SKAP1: variants seen among roughly 807,000 people sequenced by gnomAD.
SKAP1 encodes src kinase associated phosphoprotein 1, also known as src kinase-associated phosphoprotein 1.
In SKAP1, 44 loss-of-function variants were observed where a neutral mutation model predicts 58.5. The observed-to-expected ratio is 0.75, with a 90% confidence interval of 0.59 to 0.97. SKAP1 has a LOEUF of 0.97. Among genes scored for constraint, SKAP1 ranks in the 50% least tolerant of loss-of-function variants. The probability of loss-of-function intolerance (pLI) is 0.00; values close to 1 mark genes in which losing one functional copy is unlikely to be tolerated. For synonymous variants in SKAP1, 127 were observed against 149.7 expected, an observed-to-expected ratio of 0.85 and a Z score of 1.11; for missense variants, 390 against 435.2, an observed-to-expected ratio of 0.90 and a Z score of 0.92.
At chr17:48,256,010 G>A (rs1382990485) in intron 4 of SKAP1, among the ~76,000 whole-genome samples, 1 of 152,080 alleles carries the variant, frequency 6.6e-6, no homozygotes, top group Non-Finnish European at 1.5e-5. Context: ...AGCCGAAAGA[G>A]CAAAGGAAAA....
chr17:48,300,663 T>C (rs2066045678), intron 4 of SKAP1, among the ~76,000 whole-genome samples: 4 of 152,220 alleles, frequency 2.6e-5, no homozygotes. Flanking sequence ...ATGAATTCTC[T>C]ATTTAATGAT....
intron 2 of SKAP1, among the ~76,000 whole-genome samples, chr17:48,385,776 G>A (rs1256093324): frequency 6.6e-6 from 1 of 152,228 alleles, no homozygotes; most frequent in Non-Finnish European, 1.5e-5. Context: ...ATGCAGAAAA[G>A]AGGTGGAGGA....
At chr17:48,396,544 T>C (rs2067419989) in intron 2 of SKAP1, 136 bp downstream of exon 2, 5 of 529,998 alleles carry the variant, frequency 9.4e-6, no homozygotes, top group Non-Finnish European at 1.7e-5. Flanking sequence ...TCCAGTTCAA[T>C]TCAGTAAATA....
At chr17:48,220,708 C>T (rs2064991730) in intron 4 of SKAP1, among the ~76,000 whole-genome samples, 1 of 151,716 alleles carries the variant, frequency 6.6e-6, no homozygotes, top group Non-Finnish European at 1.5e-5. Flanking sequence ...AATACAAAAG[C>T]CGGGCGTGGT....
chr17:48,272,755 C>T (rs1429164147), intron 4 of SKAP1, among the ~76,000 whole-genome samples: 1 of 152,048 alleles, frequency 6.6e-6, no homozygotes, highest in East Asian at 1.9e-4. Context: ...CGGGGTTTCA[C>T]CATGTTGCCC....
chr17:48,258,082 C>T (rs1211125526), intron 4 of SKAP1, among the ~76,000 whole-genome samples: 2 of 151,572 alleles, frequency 1.3e-5, no homozygotes, highest in African/African-American at 4.8e-5. Flanking sequence ...CATCCTACAA[C>T]AAAAAAAAGT....
At chr17:48,386,540 C>T (rs148320376) in intron 2 of SKAP1, among the ~76,000 whole-genome samples, 8 of 152,152 alleles carry the variant, frequency 5.3e-5, no homozygotes, top group Admixed American at 5.2e-4. Context: ...GTCTGCATTG[C>T]TAACAAGTTT....
At chr17:48,191,649 C>A (rs1218813482) in intron 4 of SKAP1, among the ~76,000 whole-genome samples, 1 of 152,178 alleles carries the variant, frequency 6.6e-6, no homozygotes, top group Non-Finnish European at 1.5e-5. Context: ...TGCTTTAAAG[C>A]TGTTTCAAGC....
chr17:48,139,142 GT>G (rs1441582335), intron 11 of SKAP1, among the ~76,000 whole-genome samples: 2 of 151,964 alleles, frequency 1.3e-5, no homozygotes, highest in Admixed American at 1.3e-4. Flanking sequence ...GCCTCTCAGA[GT>G]GCTGGGATTA....
chr17:48,294,818 T>C (rs1177970004), intron 4 of SKAP1, among the ~76,000 whole-genome samples: 1 of 152,148 alleles, frequency 6.6e-6, no homozygotes, highest in African/African-American at 2.4e-5. Flanking sequence ...GTGGCCTAAA[T>C]CTGGACATGT....
intron 1 of SKAP1, among the ~76,000 whole-genome samples, chr17:48,420,944 GGTCAAAATCACCCCT>G (rs1412693441): frequency 2.0e-5 from 3 of 152,016 alleles, no homozygotes; most frequent in African/African-American, 7.3e-5. Context: ...AAGCCCCCAG[GGTCAAAATCACCCCT>G]GTTGGCAACC....
chr17:48,379,048 A>T (rs1322339469), intron 2 of SKAP1, among the ~76,000 whole-genome samples: 1 of 152,146 alleles, frequency 6.6e-6, no homozygotes, highest in Non-Finnish European at 1.5e-5. Flanking sequence ...TCAAGAGGGG[A>T]AAAAAGAAAG....
chr17:48,167,472 C>T (rs1350677713), intron 10 of SKAP1, among the ~76,000 whole-genome samples: 1 of 152,178 alleles, frequency 6.6e-6, no homozygotes, highest in Non-Finnish European at 1.5e-5. Flanking sequence ...GCAAACACCT[C>T]TGTGGTTTCC....
At chr17:48,353,342 T>C (rs2066828783) in intron 3 of SKAP1, among the ~76,000 whole-genome samples, 1 of 152,176 alleles carries the variant, frequency 6.6e-6, no homozygotes, top group Non-Finnish European at 1.5e-5. Context: ...CCATCATGCT[T>C]TAAGTCTCAG....
intron 8 of SKAP1, 49 bp from the exon 9 acceptor site, chr17:48,180,297 T>A: frequency 7.2e-7 from 1 of 1,390,066 alleles, no homozygotes; most frequent in Non-Finnish European, 9.6e-7. Context: ...AAAAAGAAAA[T>A]AAGACAGGAA....
intron 11 of SKAP1, among the ~76,000 whole-genome samples, chr17:48,139,692 C>T (rs1195956772): frequency 1.3e-5 from 2 of 152,134 alleles, no homozygotes; most frequent in African/African-American, 2.4e-5. Flanking sequence ...ATATAATTAT[C>T]ATAGAATTAT....
intron 2 of SKAP1, among the ~76,000 whole-genome samples, chr17:48,379,682 CT>C (rs397856911): frequency 1.5e-3 from 188 of 124,020 alleles, no homozygotes; most frequent in Middle Eastern, 4.1e-3. Context: ...GTATCTTCTT[CT>C]TTTTTTTTTT....
chr17:48,224,188 G>A (rs897162787), intron 4 of SKAP1, among the ~76,000 whole-genome samples: 4 of 152,060 alleles, frequency 2.6e-5, no homozygotes, highest in Non-Finnish European at 5.9e-5. Context: ...TTAGCCAACA[G>A]TAACTTGACT....
At chr17:48,231,380 T>C (rs2065124219) in intron 4 of SKAP1, among the ~76,000 whole-genome samples, 1 of 152,130 alleles carries the variant, frequency 6.6e-6, no homozygotes, top group East Asian at 1.9e-4. Flanking sequence ...GCAATAGCTG[T>C]TGTAAAAGCA....
Sources: gnomAD v4.1 joint callset for allele counts (sites outside exome capture counted in the v4.1 genomes callset) on GRCh38, gnomAD v4.1.1 for gene constraint, MANE v1.5 for transcripts, NCBI Gene and HGNC (gene_info 2026-07-23, HGNC 2026-07-21) for gene names.